Variants in PDHX observed in about 807,000 individuals in gnomAD.
PDHX encodes pyruvate dehydrogenase complex component X, also known as pyruvate dehydrogenase protein X component, mitochondrial.
In PDHX, 33 loss-of-function variants were observed where a neutral mutation model predicts 55.3. The ratio of observed to expected loss-of-function variants is 0.60; its 90% confidence interval spans 0.45 to 0.80. The LOEUF (loss-of-function observed/expected upper bound fraction) is 0.80. Ranked by LOEUF, PDHX falls within the 30% of genes least tolerant of loss-of-function variation. The pLI, the probability that PDHX is intolerant of heterozygous loss-of-function variation, is 0.00. For synonymous variants in PDHX, 226 were observed against 219.4 expected, an observed-to-expected ratio of 1.03 and a Z score of -0.27; for missense variants, 622 against 619.9, an observed-to-expected ratio of 1.00 and a Z score of -0.04.
At chr11:34,985,311 C>T (rs1042072152) in intron 9 of PDHX, among the ~76,000 whole-genome samples, 9 of 152,014 alleles carry the variant, frequency 5.9e-5, no homozygotes, top group Non-Finnish European at 1.0e-4. Flanking sequence ...TGTGGTGGCG[C>T]GTGCCTGTAA....
intron 9 of PDHX, among the ~76,000 whole-genome samples, chr11:34,989,886 G>A (rs1289605817): frequency 6.6e-6 from 1 of 152,144 alleles, no homozygotes; most frequent in African/African-American, 2.4e-5. Flanking sequence ...AAGAGTGCTT[G>A]GGATACAGTA....
intron 1 of PDHX, among the ~76,000 whole-genome samples, chr11:34,926,424 C>T (rs1473808749): frequency 2.6e-5 from 4 of 152,132 alleles, no homozygotes; most frequent in Non-Finnish European, 5.9e-5. Context: ...GGGAGCCACA[C>T]TAAGAAAGTA....
In PDHX at chr11:34,916,762, C is replaced by A. The variant is rs1383604166; in HGVS notation, c.107C>A (p.Ser36Tyr). ...VGLVKGALGWSVSRGANWRWF... is the reference protein window; with the variant it reads ...VGLVKGALGWYVSRGANWRWF... Reference sequence around the variant, plus strand: ...CTGGTGAAGGGGGCTCTTGGGTGGTCTGTAAGCCGCGGAGCTAATTGGAGA... The same window carrying A: ...CTGGTGAAGGGGGCTCTTGGGTGGTATGTAAGCCGCGGAGCTAATTGGAGA... Residue 36 changes from serine (S) to tyrosine (Y), a missense_variant, in exon 1 of 11, where the codon TCT (serine) becomes TAT (tyrosine). Transcript: ENST00000227868. 1 of 1,610,102 alleles carries A rather than the reference C, an allele frequency of 6.2e-7. No individual in the cohort carries two copies. The highest frequency in any genetic ancestry group is 2.2e-5 in the East Asian group (1 of 44,720).
At chr11:34,974,635 G>A (rs560564501) in intron 7 of PDHX, among the ~76,000 whole-genome samples, 15 of 152,132 alleles carry the variant, frequency 9.9e-5, no homozygotes, top group African/African-American at 2.2e-4. Flanking sequence ...CACTAATGGC[G>A]CACCAATGGG....
At chr11:34,916,116 C>G, upstream of PDHX, 2 of 1,422,142 alleles carry the variant, frequency 1.4e-6, no homozygotes, top group Non-Finnish European at 1.9e-6. Flanking sequence ...GGCCCGAAAC[C>G]CCGCCCCGCA....
chr11:34,930,592 A>G (rs1170657989), intron 1 of PDHX, among the ~76,000 whole-genome samples: 1 of 152,214 alleles, frequency 6.6e-6, no homozygotes, highest in African/African-American at 2.4e-5. Context: ...ATTTGTTACC[A>G]TGGTATTTTA....
At chr11:34,983,957 G>A (rs943867785) in intron 8 of PDHX, among the ~76,000 whole-genome samples, 3 of 152,092 alleles carry the variant, frequency 2.0e-5, no homozygotes, top group African/African-American at 4.8e-5. Flanking sequence ...AAAAGAACCC[G>A]CATTGCCAAG....
At chr11:34,926,219 C>T (rs192653522) in intron 1 of PDHX, among the ~76,000 whole-genome samples, 126 of 152,286 alleles carry the variant, frequency 8.3e-4, no homozygotes, top group African/African-American at 2.9e-3. Flanking sequence ...TACTCTGTGC[C>T]TAGTGCTGAT....
At chr11:34,923,889 G>C (rs559206093) in intron 1 of PDHX, among the ~76,000 whole-genome samples, 5 of 152,292 alleles carry the variant, frequency 3.3e-5, no homozygotes, top group South Asian at 4.1e-4. Context: ...TTTAATGAGA[G>C]GTTGGTTTTC....
intron 1 of PDHX, among the ~76,000 whole-genome samples, chr11:34,927,102 C>G (rs1350383450): frequency 2.0e-5 from 3 of 151,990 alleles, no homozygotes; most frequent in African/African-American, 7.2e-5. Flanking sequence ...ACATACATTA[C>G]AATAGTCATT....
intron 3 of PDHX, 113 bp from the exon 4 acceptor site, chr11:34,957,271 C>A (rs1854922839): frequency 1.9e-5 from 15 of 795,480 alleles, no homozygotes; most frequent in Middle Eastern, 3.4e-4. Context: ...TTGGAAGCAG[C>A]TTTTAGCTCA....
intron 9 of PDHX, among the ~76,000 whole-genome samples, chr11:34,989,051 C>T (rs564285189): frequency 1.3e-5 from 2 of 152,218 alleles, no homozygotes; most frequent in African/African-American, 4.8e-5. Flanking sequence ...GTGTGAACAC[C>T]ATAGAGTGTG....
chr11:34,920,615 C>T (rs1232778865), intron 1 of PDHX, among the ~76,000 whole-genome samples: 2 of 152,164 alleles, frequency 1.3e-5, no homozygotes, highest in African/African-American at 4.8e-5. Context: ...TGACAATTAT[C>T]TAACACTGAG....
chr11:34,956,909 T>A (rs1268675573), intron 3 of PDHX, among the ~76,000 whole-genome samples: 1 of 152,264 alleles, frequency 6.6e-6, no homozygotes, highest in Non-Finnish European at 1.5e-5. Context: ...CTAAGTTTAC[T>A]GAAAAGATTC....
chr11:34,931,997 A>G (rs1296174640), intron 2 of PDHX, among the ~76,000 whole-genome samples: 1 of 152,116 alleles, frequency 6.6e-6, no homozygotes, highest in Non-Finnish European at 1.5e-5. Context: ...TCTAATTAAA[A>G]CTCTGGGATT....
intron 6 of PDHX, among the ~76,000 whole-genome samples, chr11:34,968,097 C>T (rs1466138293): frequency 6.6e-6 from 1 of 151,868 alleles, no homozygotes; most frequent in African/African-American, 2.4e-5. Context: ...ATAGTGAGAC[C>T]TCATCTCTAC....
chr11:34,981,831 C>T (rs1436798858), intron 8 of PDHX, among the ~76,000 whole-genome samples: 1 of 152,164 alleles, frequency 6.6e-6, no homozygotes, highest in Non-Finnish European at 1.5e-5. Context: ...ATCCCTCGCC[C>T]ACTTGTTGAT....
chr11:34,986,395 T>C (rs1434189657), intron 9 of PDHX, among the ~76,000 whole-genome samples: 3 of 152,032 alleles, frequency 2.0e-5, no homozygotes, highest in Non-Finnish European at 2.9e-5. Context: ...AGATATAGTA[T>C]GTTCCTTGTG....
At chr11:34,916,501 G>C (rs886048246), upstream of PDHX, 1 of 1,457,650 alleles carries the variant, frequency 6.9e-7, no homozygotes, top group Admixed American at 2.4e-5. Flanking sequence ...GGCCAACGTG[G>C]TTGGAGGCGG....
Sources: gnomAD v4.1 joint callset for allele counts (sites outside exome capture counted in the v4.1 genomes callset) on GRCh38, gnomAD v4.1.1 for gene constraint, MANE v1.5 for transcripts, NCBI Gene and HGNC (gene_info 2026-07-23, HGNC 2026-07-21) for gene names.